Variants in PRKG1 observed in about 807,000 individuals in gnomAD.
The protein encoded by PRKG1 is protein kinase cGMP-dependent 1, also known as cGMP-dependent protein kinase 1.
PRKG1 carries 35 observed loss-of-function variants against 88.1 expected under a neutral mutation model. The observed-to-expected ratio is 0.40, with a 90% confidence interval of 0.30 to 0.53. The LOEUF (loss-of-function observed/expected upper bound fraction) is 0.53, where lower values mean the gene tolerates loss of function less well. Ranked by LOEUF, PRKG1 falls within the 20% of genes least tolerant of loss-of-function variation. The pLI, the probability that PRKG1 is intolerant of heterozygous loss-of-function variation, is 0.59. For missense variants in PRKG1, 540 were observed against 839.8 expected (o/e 0.64, Z 4.41); for synonymous variants, 303 against 292.5 (o/e 1.04, Z -0.37).
intron 1 of PRKG1, among the ~76,000 whole-genome samples, chr10:51,002,764 G>A (rs983833411): frequency 6.6e-6 from 1 of 152,146 alleles, no homozygotes; most frequent in Non-Finnish European, 1.5e-5. Context: ...ACTTATTTTG[G>A]TCTGTCCCAG....
intron 2 of PRKG1, among the ~76,000 whole-genome samples, chr10:51,296,577 T>C (rs139716888): frequency 6.6e-6 from 1 of 152,168 alleles, no homozygotes; most frequent in Non-Finnish European, 1.5e-5. Flanking sequence ...CATTTTTTCT[T>C]ATTAGCCTAG....
At chr10:51,934,363 G>A (rs1289883327) in intron 5 of PRKG1, among the ~76,000 whole-genome samples, 1 of 151,874 alleles carries the variant, frequency 6.6e-6, no homozygotes, top group African/African-American at 2.4e-5. Flanking sequence ...CACACCCTCA[G>A]TTTTATGTTT....
intron 9 of PRKG1, among the ~76,000 whole-genome samples, chr10:52,238,935 T>G (rs1380872577): frequency 7.4e-6 from 1 of 134,904 alleles, no homozygotes; most frequent in Non-Finnish European, 1.6e-5. Flanking sequence ...TGTCCAACAA[T>G]GATAGACTGG....
rs151313206 is a variant in PRKG1, at chr10:52,092,355, C to T, written c.935+29724C>T. On this transcript the variant is annotated intron_variant, in intron 7 of 17. Coordinates refer to ENST00000373980, the MANE Select transcript of PRKG1 (RefSeq NM_006258.4). Reference sequence around the variant, plus strand: ...TTGTTATATTTGTAGTGTAGGTTTCCGTGAGTACTAAAATTTGAAGGCTAG... The same window carrying T: ...TTGTTATATTTGTAGTGTAGGTTTCTGTGAGTACTAAAATTTGAAGGCTAG... Among the ~76,000 whole-genome samples, 6 of 151,850 alleles carry T rather than the reference C, an allele frequency of 4.0e-5. No homozygotes were observed. In the South Asian group the frequency reaches 6.2e-4, roughly 16 times the overall value.
At chr10:52,058,255 T>C (rs1846155839) in intron 6 of PRKG1, among the ~76,000 whole-genome samples, 1 of 152,092 alleles carries the variant, frequency 6.6e-6, no homozygotes, top group South Asian at 2.1e-4. Flanking sequence ...CACATTGCAA[T>C]AGCTGCTAGT....
rs147750748 is a variant in PRKG1, at chr10:52,169,983, G to C, written c.1076+8020G>C. ...CCACGGATAAGGTTTATACCACTTT[G>C]TGATGTTATTTCTTGGTTAAGAAGG... On this transcript the variant is annotated intron_variant, in intron 9 of 17. Coordinates refer to ENST00000373980, the MANE Select transcript of PRKG1 (RefSeq NM_006258.4). Among the ~76,000 whole-genome samples the C allele has an allele frequency of 3.9e-3, 600 of 152,250 alleles. 6 individuals are homozygous for C. Among genetic ancestry groups the C allele is most frequent in the African/African-American group, 0.014 (567 of 41,546 alleles).
chr10:51,021,976 T>C (rs1471824055), intron 1 of PRKG1, among the ~76,000 whole-genome samples: 1 of 152,194 alleles, frequency 6.6e-6, no homozygotes, highest in Non-Finnish European at 1.5e-5. Flanking sequence ...CCACTGCGCC[T>C]GACCAAGCCT....
chr10:51,961,669 AT>A (rs1843451601), intron 5 of PRKG1, among the ~76,000 whole-genome samples: 1 of 152,188 alleles, frequency 6.6e-6, no homozygotes. Flanking sequence ...AAATCAAAAG[AT>A]TTAGTCATAT....
chr10:52,180,363 G>A (rs909825222), intron 9 of PRKG1, among the ~76,000 whole-genome samples: 2 of 152,070 alleles, frequency 1.3e-5, no homozygotes, highest in African/African-American at 4.8e-5. Flanking sequence ...ATATCTCACT[G>A]AATTTACTTA....
intron 2 of PRKG1, among the ~76,000 whole-genome samples, chr10:51,246,512 A>G (rs1236646937): frequency 1.3e-5 from 2 of 150,962 alleles, no homozygotes; most frequent in South Asian, 4.2e-4. Flanking sequence ...AGAGTTTAGT[A>G]TAGACACTGA....
chr10:51,627,166 G>A (rs1839359985), intron 3 of PRKG1, among the ~76,000 whole-genome samples: 1 of 152,158 alleles, frequency 6.6e-6, no homozygotes, highest in African/African-American at 2.4e-5. Flanking sequence ...AAATAAATCA[G>A]TTGGAGGAGA....
chr10:51,472,559 T>C (rs941760364), intron 3 of PRKG1, among the ~76,000 whole-genome samples: 1 of 151,980 alleles, frequency 6.6e-6, no homozygotes, highest in Non-Finnish European at 1.5e-5. Flanking sequence ...GATGAAGTTC[T>C]TATAATAGCT....
At position 52,012,477 on chromosome 10, in the gene PRKG1, C is replaced by T. The variant is rs904114120; in HGVS notation, c.763-42007C>T. On this transcript the variant is annotated intron_variant, in intron 5 of 17. Transcript: ENST00000373980. The stretch of plus-strand genomic sequence containing the variant: ...CAGAATGGTCTCGATCTCCTGACCT[C>T]GTGATCTACCCGCCTCAGCCTCCCA... 5.9e-5 allele frequency among the ~76,000 whole-genome samples: 9 copies of T among 152,202 alleles called. No homozygotes were observed. In the South Asian group the frequency reaches 6.2e-4, roughly 11 times the overall value.
intron 2 of PRKG1, among the ~76,000 whole-genome samples, chr10:51,174,794 T>G (rs1837146474): frequency 6.6e-6 from 1 of 152,036 alleles, no homozygotes; most frequent in Non-Finnish European, 1.5e-5. Flanking sequence ...TTGATTGTAT[T>G]TTTGAAGTCA....
intron 5 of PRKG1, among the ~76,000 whole-genome samples, chr10:51,953,427 A>G (rs1398682912): frequency 6.6e-6 from 1 of 152,182 alleles, no homozygotes; most frequent in African/African-American, 2.4e-5. Context: ...GTGTGCTGGC[A>G]TCATCAAAGG....
intron 4 of PRKG1, among the ~76,000 whole-genome samples, chr10:51,899,096 A>G (rs1433599113): frequency 1.3e-5 from 2 of 152,266 alleles, no homozygotes; most frequent in East Asian, 1.9e-4. Flanking sequence ...ATTCCATTGT[A>G]TACATAAGTT....
chr10:52,139,753 T>C (rs2132647348), intron 8 of PRKG1, among the ~76,000 whole-genome samples: 1 of 152,210 alleles, frequency 6.6e-6, no homozygotes, highest in Middle Eastern at 3.4e-3. Flanking sequence ...GAATAGGTGA[T>C]CACTAAACTG....
At chr10:51,869,389 T>G (rs1841099834) in intron 4 of PRKG1, among the ~76,000 whole-genome samples, 1 of 133,920 alleles carries the variant, frequency 7.5e-6, no homozygotes, top group African/African-American at 2.7e-5. Context: ...TAACTGCTGT[T>G]TTTTTTTTAA....
At chr10:51,531,898 C>T (rs1465808853) in intron 3 of PRKG1, among the ~76,000 whole-genome samples, 1 of 151,966 alleles carries the variant, frequency 6.6e-6, no homozygotes, top group African/African-American at 2.4e-5. Flanking sequence ...CCGCCTTGGC[C>T]TCCCAAAGTG....
Sources: gnomAD v4.1 joint callset for allele counts (sites outside exome capture counted in the v4.1 genomes callset) on GRCh38, gnomAD v4.1.1 for gene constraint, MANE v1.5 for transcripts, NCBI Gene and HGNC (gene_info 2026-07-23, HGNC 2026-07-21) for gene names.